FARP1: variants seen among roughly 807,000 people sequenced by gnomAD.
FARP1 encodes the protein FERM, ARH/RhoGEF and pleckstrin domain protein 1.
FARP1 carries 52 observed loss-of-function variants against 128.8 expected under a neutral mutation model. The observed-to-expected ratio is 0.40, with a 90% CI of 0.32 to 0.51. The LOEUF (loss-of-function observed/expected upper bound fraction) is 0.51. Ranked by LOEUF, FARP1 falls within the 20% of genes least tolerant of loss-of-function variation. The pLI is 0.45. For synonymous variants in FARP1, 580 were observed against 551.8 expected (o/e 1.05, Z -0.72); for missense variants, 1,333 against 1,367.9 (o/e 0.97, Z 0.40).
intron 2 of FARP1, among the ~76,000 whole-genome samples, chr13:98,229,101 A>G (rs1332874699): frequency 2.6e-5 from 4 of 152,248 alleles, no homozygotes; most frequent in Non-Finnish European, 5.9e-5. Context: ...TGAATAACAT[A>G]TGACATTCCA....
intron 2 of FARP1, chr13:98,244,388 C>A: frequency 4.0e-6 from 4 of 1,004,204 alleles, no homozygotes; most frequent in Non-Finnish European, 5.8e-6. Context: ...ATATCCATCA[C>A]TTCCAAAACT....
rs56030081 is a variant in FARP1 at position 98,309,153 on chromosome 13, C to CTTTTTTTTT, written c.172-34587_172-34579dup. On this transcript the variant is annotated intron_variant, in intron 2 of 26. Transcript: ENST00000319562. ...TATATTAATATTAATTTTAAGAGGCCTTTTTTTTTTTTTTTTTTTTTTTTT... is the reference window on the plus strand; with the variant it reads ...TATATTAATATTAATTTTAAGAGGCCTTTTTTTTTTTTTTTTTTTTTTTTTTTTTTTTTT... 4.5e-5 allele frequency among the ~76,000 whole-genome samples: 4 copies of CTTTTTTTTT among 89,670 alleles called. 1 individual carries two copies. The highest frequency in any genetic ancestry group is 1.3e-4 in the African/African-American group (3 of 22,792). The allele number at this position is 89,670 out of a possible 152,430, so 58.8% of individuals were successfully genotyped here. A position where few individuals can be genotyped will look rare whatever the true frequency, so the allele number is the denominator to read the frequency against.
chr13:98,351,885 A>C (rs1425308184), intron 3 of FARP1, among the ~76,000 whole-genome samples: 1 of 152,156 alleles, frequency 6.6e-6, no homozygotes, highest in Non-Finnish European at 1.5e-5. Flanking sequence ...CCCGTGAACC[A>C]GTCGCCTCCC....
At position 98,213,780 on chromosome 13, in the gene FARP1, C is replaced by G. The variant is rs1229056277; in HGVS notation, c.171+367C>G. On this transcript the variant is annotated intron_variant, in intron 2 of 26. Coordinates refer to ENST00000319562, the MANE Select transcript of FARP1 (RefSeq NM_005766.4). ...CCCAGTTTAATTTACTGGTCATAGA[C>G]AATTCCTCTCTCACATTGGTGCTTG... is the stretch of plus-strand genomic sequence containing the variant. Among the ~76,000 whole-genome samples the G allele has an allele frequency of 5.3e-5, 8 of 152,094 alleles. No individual in the cohort carries two copies. In the East Asian group the frequency reaches 1.5e-3, roughly 29 times the overall value.
chr13:98,353,313 T>C (rs1188843823), intron 3 of FARP1, among the ~76,000 whole-genome samples: 2 of 152,204 alleles, frequency 1.3e-5, no homozygotes, highest in Non-Finnish European at 2.9e-5. Context: ...CTTGACTTGG[T>C]TGATAGATAC....
chr13:98,317,670 G>A (rs1453426649), intron 2 of FARP1, among the ~76,000 whole-genome samples: 1 of 152,144 alleles, frequency 6.6e-6, no homozygotes, highest in Non-Finnish European at 1.5e-5. Flanking sequence ...CACTTAGGTG[G>A]GGCTGTCATA....
At chr13:98,262,846 G>A (rs548118113) in intron 2 of FARP1, among the ~76,000 whole-genome samples, 1 of 152,006 alleles carries the variant, frequency 6.6e-6, no homozygotes, top group East Asian at 1.9e-4. Context: ...GAGTGTGGAG[G>A]TATCGGGCCT....
At chr13:98,363,866 C>T (rs528412972) in intron 3 of FARP1, among the ~76,000 whole-genome samples, 15 of 152,266 alleles carry the variant, frequency 9.9e-5, no homozygotes, top group African/African-American at 3.6e-4. Flanking sequence ...CTCAGCCTCC[C>T]AAGTAGCTGG....
intron 2 of FARP1, among the ~76,000 whole-genome samples, chr13:98,324,240 CATCCTTT>C (rs1312584518): frequency 6.6e-6 from 1 of 152,208 alleles, no homozygotes; most frequent in African/African-American, 2.4e-5. Flanking sequence ...AAGTTACTCT[CATCCTTT>C]ATCACCCAGT....
At position 98,176,818 on chromosome 13, in the gene FARP1, C is replaced by T. The variant is rs1878087741; in HGVS notation, c.-24+33326C>T. 1 of 1,612,946 alleles carries T rather than the reference C, an allele frequency of 6.2e-7. No homozygotes were observed. Among genetic ancestry groups the T allele is most frequent in the Admixed American group, 1.7e-5 (1 of 59,996 alleles). On this transcript the variant is annotated intron_variant, in intron 1 of 26. Transcript: ENST00000319562. The surrounding 1 kb of genome is among the most constrained non-coding windows in gnomAD (Gnocchi z 6.2). ...CCGGTAGATGTGGTCGTGCTCCCGA[C>T]CCCGCAGTGCCTCCTGGACCCGCTG...
intron 2 of FARP1, among the ~76,000 whole-genome samples, chr13:98,307,445 T>C (rs1886217108): frequency 6.6e-6 from 1 of 152,114 alleles, no homozygotes; most frequent in South Asian, 2.1e-4. Context: ...ACCTCTGACT[T>C]GCCCATCTCT....
At chr13:98,383,976 A>T (rs1446573214) in intron 6 of FARP1, 2 of 152,222 alleles carry the variant, frequency 1.3e-5, no homozygotes, top group Non-Finnish European at 2.9e-5. Flanking sequence ...TCTCTGCATG[A>T]TAAAGCATTT....
chr13:98,433,751 T>G (rs1370086203), intron 18 of FARP1: 2 of 152,558 alleles, frequency 1.3e-5, no homozygotes, highest in Non-Finnish European at 2.9e-5. Context: ...CACACCTTGG[T>G]GCATTCCGTT....
At chr13:98,422,167 G>A (rs1891617158) in intron 16 of FARP1, among the ~76,000 whole-genome samples, 1 of 152,208 alleles carries the variant, frequency 6.6e-6, no homozygotes, top group Non-Finnish European at 1.5e-5. Flanking sequence ...TTGAAGGGCT[G>A]GCCTGAAGAT....
chr13:98,308,029 CTCTCT>C (rs1381260316), intron 2 of FARP1, among the ~76,000 whole-genome samples: 63 of 114,878 alleles, frequency 5.5e-4, no homozygotes, highest in African/African-American at 2.2e-3. Flanking sequence ...CCCCCACTCT[CTCTCT>C]TTTTTTTTTT....
At chr13:98,240,380 C>T (rs974081997) in intron 2 of FARP1, among the ~76,000 whole-genome samples, 1 of 152,158 alleles carries the variant, frequency 6.6e-6, no homozygotes, top group Non-Finnish European at 1.5e-5. Context: ...CCTTCCCAGG[C>T]AGGAAGGGAG....
chr13:98,447,983 G>A (rs1299455670), intron 26 of FARP1: 3 of 539,360 alleles, frequency 5.6e-6, no homozygotes, highest in Non-Finnish European at 9.9e-6. Context: ...GCTCCTAACT[G>A]CTCCAATGGA....
intron 2 of FARP1, among the ~76,000 whole-genome samples, chr13:98,237,856 G>A (rs1449303994): frequency 6.6e-6 from 1 of 152,130 alleles, no homozygotes; most frequent in Admixed American, 6.5e-5. Flanking sequence ...AGAAAAATTA[G>A]TCAAGTGGTC....
In FARP1 at chr13:98,448,429, C is replaced by A; in HGVS notation, c.*112C>A. 1.1e-6 allele frequency: 1 copy of A among 886,226 alleles called. No individual in the cohort carries two copies. The highest frequency in any genetic ancestry group is 1.9e-6 in the Non-Finnish European group (1 of 540,508). The allele number at this position is 886,226 out of a possible 1,614,324, so 54.9% of individuals were successfully genotyped here. On this transcript the variant is annotated 3_prime_UTR_variant, in exon 27 of 27. Coordinates refer to ENST00000319562, the MANE Select transcript of FARP1 (RefSeq NM_005766.4). ...ACCTGTCTGAAAATCAAAAACATGG[C>A]TTCCCAGCAGCTCTCCTGTCTCCAC...
Sources: gnomAD v4.1 joint callset for allele counts (sites outside exome capture counted in the v4.1 genomes callset) on GRCh38, gnomAD v4.1.1 for gene constraint, Gnocchi (gnomAD v3.1) non-coding constraint, MANE v1.5 for transcripts, NCBI Gene and HGNC (gene_info 2026-07-23, HGNC 2026-07-21) for gene names.